Variants in CTNNA2 observed in about 807,000 individuals in gnomAD.
CTNNA2 encodes catenin alpha 2.
A neutral mutation model predicts 101.0 loss-of-function variants in CTNNA2; 42 were observed. The observed-to-expected ratio is 0.42, with a 90% CI of 0.32 to 0.54. The LOEUF (loss-of-function observed/expected upper bound fraction) is 0.54. Ranked by LOEUF, CTNNA2 falls within the 20% of genes least tolerant of loss-of-function variation. The pLI is 0.14. For synonymous variants in CTNNA2, 450 were observed against 456.4 expected (o/e 0.99, Z 0.18); for missense variants, 871 against 1,223.1 (o/e 0.71, Z 4.29).
At chr2:79,588,629 G>T (rs11894478) in intron 1 of CTNNA2, among the ~76,000 whole-genome samples, 3,510 of 151,812 alleles carry the variant, frequency 0.023, 145 homozygotes, top group African/African-American at 0.081. Context: ...GATTTTTTTT[G>T]AAATAAATAA....
intron 7 of CTNNA2, among the ~76,000 whole-genome samples, chr2:80,139,433 T>C (rs1702876393): frequency 1.3e-5 from 2 of 152,162 alleles, no homozygotes; most frequent in Admixed American, 1.3e-4. Flanking sequence ...AAATATGGTT[T>C]AATACTCCTT....
intron 9 of CTNNA2, among the ~76,000 whole-genome samples, chr2:80,432,470 A>G (rs1254854940): frequency 6.6e-6 from 1 of 152,180 alleles, no homozygotes; most frequent in Non-Finnish European, 1.5e-5. Flanking sequence ...GGCTGCTCCT[A>G]TTTAGACATT....
chr2:79,852,210 G>A (rs1680772054), intron 3 of CTNNA2, among the ~76,000 whole-genome samples: 1 of 152,210 alleles, frequency 6.6e-6, no homozygotes, highest in Non-Finnish European at 1.5e-5. Flanking sequence ...AAAAACATAT[G>A]CATACAGAAC....
chr2:80,551,299 T>G (rs2149647441), intron 11 of CTNNA2, among the ~76,000 whole-genome samples: 1 of 152,304 alleles, frequency 6.6e-6, no homozygotes, highest in African/African-American at 2.4e-5. Flanking sequence ...AGCATAACTC[T>G]TAGGGCCCTG....
intron 18 of CTNNA2, among the ~76,000 whole-genome samples, chr2:80,627,127 G>A (rs986626084): frequency 1.1e-4 from 17 of 152,084 alleles, no homozygotes; most frequent in Admixed American, 1.1e-3. Flanking sequence ...ATGGGCATTT[G>A]GGTTGGTTCC....
chr2:79,792,267 G>A (rs1002784022), intron 3 of CTNNA2, among the ~76,000 whole-genome samples: 10 of 152,284 alleles, frequency 6.6e-5, no homozygotes, highest in Non-Finnish European at 1.2e-4. Flanking sequence ...TTTCAAGGAT[G>A]TTTGCATAGT....
At chr2:80,276,795 G>GATCC (rs1168679685) in intron 7 of CTNNA2, among the ~76,000 whole-genome samples, 4 of 151,984 alleles carry the variant, frequency 2.6e-5, no homozygotes, top group Non-Finnish European at 4.4e-5. Flanking sequence ...ATTCATAAGG[G>GATCC]ATCCACCCCC....
intron 7 of CTNNA2, among the ~76,000 whole-genome samples, chr2:80,023,269 C>T (rs1013223892): frequency 2.0e-5 from 3 of 152,094 alleles, no homozygotes; most frequent in Admixed American, 6.5e-5. Flanking sequence ...AGCATTAGTG[C>T]GAGCTAATGG....
At chr2:79,208,009 G>A (rs573530536) in intron 2 of CTNNA2, among the ~76,000 whole-genome samples, 29 of 152,188 alleles carry the variant, frequency 1.9e-4, no homozygotes, top group African/African-American at 6.7e-4. Flanking sequence ...TCTGGGAAAT[G>A]GTTAGCCACC....
At chr2:79,900,229 G>A (rs1217686055) in intron 6 of CTNNA2, among the ~76,000 whole-genome samples, 1 of 151,946 alleles carries the variant, frequency 6.6e-6, no homozygotes, top group Non-Finnish European at 1.5e-5. Flanking sequence ...CATTTTAATG[G>A]GAAACTGGGA....
intron 3 of CTNNA2, among the ~76,000 whole-genome samples, chr2:79,365,682 A>G (rs915724346): frequency 2.7e-5 from 4 of 150,722 alleles, no homozygotes; most frequent in African/African-American, 9.7e-5. Flanking sequence ...ACATGACAAG[A>G]TGATTCCAGG....
At chr2:80,290,227 A>T (rs973529722) in intron 7 of CTNNA2, among the ~76,000 whole-genome samples, 2 of 152,168 alleles carry the variant, frequency 1.3e-5, no homozygotes, top group Non-Finnish European at 2.9e-5. Context: ...TCCATGCCAG[A>T]TAGTTTTTTA....
At chr2:80,090,349 A>G (rs1699721662) in intron 7 of CTNNA2, among the ~76,000 whole-genome samples, 1 of 151,966 alleles carries the variant, frequency 6.6e-6, no homozygotes, top group Non-Finnish European at 1.5e-5. Context: ...CTAAATAACT[A>G]AAGAATAGAC....
intron 3 of CTNNA2, among the ~76,000 whole-genome samples, chr2:79,821,219 A>AT (rs1394720422): frequency 2.0e-5 from 3 of 151,830 alleles, no homozygotes; most frequent in Non-Finnish European, 4.4e-5. Context: ...TTTTTATTTT[A>AT]TTTTTTTTAG....
At chr2:79,767,755 C>A (rs370515871) in intron 3 of CTNNA2, among the ~76,000 whole-genome samples, 33 of 151,908 alleles carry the variant, frequency 2.2e-4, no homozygotes, top group African/African-American at 7.7e-4. Flanking sequence ...GGAACGGGCA[C>A]CTCATGACTC....
intron 2 of CTNNA2, among the ~76,000 whole-genome samples, chr2:79,264,199 C>T (rs1233881155): frequency 6.6e-6 from 1 of 152,026 alleles, no homozygotes; most frequent in Non-Finnish European, 1.5e-5. Flanking sequence ...AAAAGGCCTC[C>T]TAGTGTGCTA....
intron 3 of CTNNA2, among the ~76,000 whole-genome samples, chr2:79,759,398 A>G (rs909379433): frequency 9.2e-5 from 5 of 54,146 alleles, no homozygotes; most frequent in Non-Finnish European, 1.3e-4. Context: ...TCTCAAAGAT[A>G]ATAATAATAA....
chr2:79,659,845 A>T (rs1681894219), intron 2 of CTNNA2, among the ~76,000 whole-genome samples: 1 of 152,150 alleles, frequency 6.6e-6, no homozygotes. Context: ...AAAGTTTTTA[A>T]ATAAAAGTTA....
intron 7 of CTNNA2, among the ~76,000 whole-genome samples, chr2:80,020,338 G>T (rs932113514): frequency 6.6e-6 from 1 of 152,164 alleles, no homozygotes. Flanking sequence ...TGGATGACTT[G>T]TATCTCCCAG....
Sources: allele counts gnomAD v4.1 joint callset (sites outside exome capture counted in the v4.1 genomes callset), GRCh38; gene constraint gnomAD v4.1.1; transcripts MANE v1.5; gene names NCBI Gene and HGNC (gene_info 2026-07-23, HGNC 2026-07-21).